The following TRNT1 variants were observed in gnomAD, a reference collection of about 807,000 sequenced individuals.
TRNT1 encodes the protein tRNA nucleotidyl transferase 1, also known as CCA tRNA nucleotidyltransferase 1, mitochondrial.
TRNT1 carries 44 observed loss-of-function variants against 45.6 expected under a neutral mutation model. The observed-to-expected ratio is 0.97, with a 90% CI of 0.76 to 1.24. The LOEUF is 1.24. Ranked by LOEUF, TRNT1 falls within the 50% of genes most tolerant of loss-of-function variation. The pLI is 0.00. For missense variants in TRNT1, 633 were observed against 504.4 expected (o/e 1.25, Z -2.44); for synonymous variants, 201 against 171.4 (o/e 1.17, Z -1.35).
At position 3,140,617 on chromosome 3, in the gene TRNT1, C is replaced by T; in HGVS notation, c.450C>T (p.Arg150=). Residue 150 remains arginine, a synonymous_variant, in exon 4 of 8, where the codon CGC becomes CGT. Transcript: ENST00000251607. Reference sequence around the variant, plus strand: ...CTGACTGGCAGAAAGATGCGGAACGCAGAGATCTCACTATAAATTCTATGT... The same window carrying T: ...CTGACTGGCAGAAAGATGCGGAACGTAGAGATCTCACTATAAATTCTATGT... ...FTTDWQKDAE[R]RDLTINSMFL... 6.2e-7 allele frequency: 1 copy of T among 1,613,982 alleles called. No individual in the cohort carries two copies. The highest frequency in any genetic ancestry group is 2.2e-5 in the East Asian group (1 of 44,880).
At chr3:3,146,041 G>A (rs1705997393) in intron 5 of TRNT1, among the ~76,000 whole-genome samples, 1 of 150,464 alleles carries the variant, frequency 6.6e-6, no homozygotes, top group African/African-American at 2.5e-5. Context: ...TTAAGGCACT[G>A]CAGTCTTGTT....
At chr3:3,129,384 T>C (rs923852325) in intron 2 of TRNT1, 196 bp downstream of exon 2, 2 of 535,632 alleles carry the variant, frequency 3.7e-6, no homozygotes, top group Non-Finnish European at 6.6e-6. Flanking sequence ...CCTCCCAAAA[T>C]GCTGGGATTA....
Position 3,137,294 on chromosome 3 carries a change from AG to A in TRNT1, c.184del (p.Ala62GlnfsTer5). The stretch of plus-strand genomic sequence containing the variant: ...TCAAAGAGAATCACGAATTAAGAAT[AG>A]CAGGAGGAGCAGTGAGGGATTTATT... Reference protein sequence around the residue: ...FVKENHELRIAGGAVRDLLNG... With the variant: ...FVKENHELRIXGGAVRDLLNG... On this transcript the variant is annotated frameshift_variant, in exon 3 of 8. Transcript: ENST00000251607. LOFTEE classifies it high-confidence loss of function. The A allele has an allele frequency of 1.2e-6, 2 of 1,605,544 alleles. No homozygotes were observed. Among genetic ancestry groups the A allele is most frequent in the Non-Finnish European group, 1.7e-6 (2 of 1,177,448 alleles).
Position 3,144,727 on chromosome 3 carries a change from A to AT in TRNT1, c.608+18dup. ...ATACTTCAGGTAAGAATTTTTAAAA[A>AT]TAAAAAATGATAGTTTTAATATCAT... is the stretch of plus-strand genomic sequence containing the variant. On this transcript the variant is annotated intron_variant, in intron 5 of 7. Coordinates refer to ENST00000251607, the MANE Select transcript of TRNT1 (RefSeq NM_182916.3). The AT allele has an allele frequency of 6.6e-7, 1 of 1,507,208 alleles. No homozygotes were observed. The highest frequency in any genetic ancestry group is 2.3e-5 in the East Asian group (1 of 43,272). The allele number at this position is 1,507,208 out of a possible 1,614,324, so 93.4% of individuals were successfully genotyped here.
chr3:3,132,749 A>G (rs1436871045), intron 2 of TRNT1, among the ~76,000 whole-genome samples: 2 of 149,824 alleles, frequency 1.3e-5, no homozygotes. Flanking sequence ...AAAAAACACA[A>G]AAAAAAAACA....
intron 5 of TRNT1, 43 bp downstream of exon 5, chr3:3,144,753 G>T: frequency 6.8e-7 from 1 of 1,461,662 alleles, no homozygotes; most frequent in Non-Finnish European, 9.2e-7. Context: ...TTAATATCAT[G>T]ACTAGAGCAT....
intron 1 of TRNT1, chr3:3,127,864 G>C (rs145837115): frequency 6.6e-6 from 1 of 152,170 alleles, no homozygotes; most frequent in Non-Finnish European, 1.5e-5. Flanking sequence ...CCACCAAACC[G>C]AGGGTTGGGC....
chr3:3,148,198 A>G lies in TRNT1; in HGVS notation c.*44A>G. 6.3e-7 allele frequency: 1 copy of G among 1,591,238 alleles called. No homozygotes were observed. The highest frequency in any genetic ancestry group is 8.5e-7 in the Non-Finnish European group (1 of 1,170,468). On this transcript the variant is annotated 3_prime_UTR_variant, in exon 8 of 8. Coordinates refer to ENST00000251607, the MANE Select transcript of TRNT1 (RefSeq NM_182916.3). ...AGCAGAGCATTTCTGGTAAGACTAA[A>G]TTTTCTCCCCTCCCTCTTAATGAGG...
intron 4 of TRNT1, among the ~76,000 whole-genome samples, 165 bp from the exon 5 acceptor site, chr3:3,144,415 TTTTA>T (rs1705850293): frequency 6.6e-6 from 1 of 152,242 alleles, no homozygotes; most frequent in African/African-American, 2.4e-5. Context: ...AAAGACAGTC[TTTTA>T]TTGTCTTCCA....
At chr3:3,140,473 T>A in intron 3 of TRNT1, 37 bp from the exon 4 acceptor site, 1 of 1,600,700 alleles carries the variant, frequency 6.2e-7, no homozygotes, top group Non-Finnish European at 8.5e-7. Context: ...AAAACCTAAT[T>A]TAAATGACAA....
rs756169717 is a variant in TRNT1 at position 3,147,491 on chromosome 3, A to T, written c.844A>T (p.Ser282Cys). 6.2e-7 allele frequency: 1 copy of T among 1,613,846 alleles called. No homozygotes were observed. Among genetic ancestry groups the T allele is most frequent in the Admixed American group, 1.7e-5 (1 of 60,022 alleles). The change falls in exon 7 of 8, where the codon AGT becomes TGT. Residue 282 changes from serine to cysteine, a missense_variant. Coordinates refer to ENST00000251607, the MANE Select transcript of TRNT1 (RefSeq NM_182916.3). ...NASLEEFDKV[S>C]KNVDGFSPKP... ...AAGTTTAGAAGAATTTGACAAAGTCAGTAAAAATGTTGATGGTTTTTCACC... is the reference window on the plus strand; with the variant it reads ...AAGTTTAGAAGAATTTGACAAAGTCTGTAAAAATGTTGATGGTTTTTCACC...
downstream of TRNT1, among the ~76,000 whole-genome samples, chr3:3,152,104 C>G (rs377081132): frequency 6.8e-4 from 103 of 151,896 alleles, 1 homozygote; most frequent in African/African-American, 2.3e-3. Context: ...ACAAAAAGTG[C>G]AACAGATGTT....
In TRNT1 at chr3:3,144,592, G is replaced by T; in HGVS notation, c.490G>T (p.Gly164Cys). 1.9e-6 allele frequency: 3 copies of T among 1,580,032 alleles called. No individual in the cohort carries two copies. Among genetic ancestry groups the T allele is most frequent in the South Asian group, 2.3e-5 (2 of 86,364 alleles). ...CCTTTTCTAATGAATAGGTTTTGAT[G>T]GCACTTTATTTGACTACTTTAATGG... ...TINSMFLGFD[G>C]TLFDYFNGYE... Residue 164 changes from glycine (G) to cysteine (C), a missense_variant, in exon 5 of 8, where the codon GGC becomes TGC. Transcript: ENST00000251607.
chr3:3,135,598 T>C (rs564429520), intron 2 of TRNT1, among the ~76,000 whole-genome samples: 4 of 152,216 alleles, frequency 2.6e-5, no homozygotes, highest in Admixed American at 2.0e-4. Context: ...TTTGTTACTT[T>C]TAAGTACATC....
Position 3,144,103 on chromosome 3 carries a change from C to G in TRNT1, c.482-481C>G, listed in dbSNP as rs200384804. 5.3e-5 allele frequency among the ~76,000 whole-genome samples: 8 copies of G among 152,104 alleles called. No individual in the cohort carries two copies. In the South Asian group the frequency reaches 1.5e-3, roughly 28 times the overall value. On this transcript the variant is annotated intron_variant, in intron 4 of 7. Coordinates refer to ENST00000251607, the MANE Select transcript of TRNT1 (RefSeq NM_182916.3). ...GGCATATTTCATTTTTTATGTCATT[C>G]AATTATTTCTTCGAAAATCCTGTTG...
intron 2 of TRNT1, among the ~76,000 whole-genome samples, chr3:3,133,585 T>G (rs942757993): frequency 1.3e-5 from 2 of 152,006 alleles, no homozygotes; most frequent in Admixed American, 6.6e-5. Flanking sequence ...ACTATTTTTC[T>G]GTCCTAGAGA....
downstream of TRNT1, chr3:3,149,281 A>AAAATATTTAGGTACTGCC (rs1706302605): frequency 6.6e-6 from 1 of 152,136 alleles, no homozygotes; most frequent in Non-Finnish European, 1.5e-5. Context: ...ATACTTACTT[A>AAAATATTTAGGTACTGCC]AAATATTTAA....
chr3:3,128,598 C>CAAAAAA (rs111647168), intron 1 of TRNT1, among the ~76,000 whole-genome samples: 82 of 96,012 alleles, frequency 8.5e-4, no homozygotes, highest in East Asian at 1.5e-3. Context: ...GACTCCATCT[C>CAAAAAA]AAAAAAAAAA....
Position 3,147,647 on chromosome 3 carries a change from A to G in TRNT1, c.1000A>G (p.Ile334Val), listed in dbSNP as rs1178051301. ...TATAGTTAAAAATAGGAAAGATTTAATTAAAGCAACAGATAGTTCAGACCC... is the reference window on the plus strand; with the variant it reads ...TATAGTTAAAAATAGGAAAGATTTAGTTAAAGCAACAGATAGTTCAGACCC... ...LFIVKNRKDL[I>V]KATDSSDPLK... Residue 334 changes from isoleucine (I) to valine (V), a missense_variant, in exon 7 of 8, where the codon ATT (isoleucine) becomes GTT (valine). Coordinates refer to ENST00000251607, the MANE Select transcript of TRNT1 (RefSeq NM_182916.3). The G allele has an allele frequency of 1.9e-6, 3 of 1,613,854 alleles. No homozygotes were observed. In the East Asian group the frequency reaches 6.7e-5, roughly 36 times the overall value.
Sources: allele counts gnomAD v4.1 joint callset (sites outside exome capture counted in the v4.1 genomes callset), GRCh38; gene constraint gnomAD v4.1.1; transcripts MANE v1.5; gene names NCBI Gene and HGNC (gene_info 2026-07-23, HGNC 2026-07-21).